Variants in GALNT13 observed in about 807,000 individuals in gnomAD.
GALNT13 encodes the protein polypeptide N-acetylgalactosaminyltransferase 13, also known as UDP-GalNAc:polypeptide N-acetylgalactosaminyltransferase 13.
Under a neutral mutation model 64.2 loss-of-function variants are expected in GALNT13, and 28 were observed. That is an observed-to-expected ratio of 0.44 (90% CI 0.32 to 0.60). GALNT13 has a LOEUF of 0.60. GALNT13 is among the 20% of genes least tolerant of loss of function. The pLI, the probability that GALNT13 is intolerant of heterozygous loss-of-function variation, is 0.05. For missense variants in GALNT13, 577 were observed against 669.8 expected (o/e 0.86, Z 1.53); for synonymous variants, 214 against 224.6 (o/e 0.95, Z 0.42).
the GALNT13 span, among the ~76,000 whole-genome samples, chr2:153,281,604 G>C: frequency 6.6e-6 from 1 of 152,084 alleles, no homozygotes; most frequent in East Asian, 1.9e-4. Context: ...AATTCCCTTA[G>C]TTCTTGCAAA....
At chr2:153,647,176 T>C in the GALNT13 span, among the ~76,000 whole-genome samples, 4 of 152,230 alleles carry the variant, frequency 2.6e-5, no homozygotes, top group Non-Finnish European at 4.4e-5. Flanking sequence ...TGAGATGATA[T>C]CTCATTGTTG....
intron 9 of GALNT13, among the ~76,000 whole-genome samples, chr2:154,335,474 G>A (rs1220496348): frequency 2.0e-5 from 3 of 151,824 alleles, no homozygotes; most frequent in African/African-American, 7.3e-5. Context: ...TCTGCTTTCT[G>A]GACAAATAAA....
chr2:153,950,482 T>C (rs1474950119), intron 3 of GALNT13, among the ~76,000 whole-genome samples: 1 of 152,090 alleles, frequency 6.6e-6, no homozygotes, highest in East Asian at 1.9e-4. Context: ...AAAGGTGATG[T>C]GTCTCTACAT....
chr2:154,055,379 G>C (rs963273471), intron 3 of GALNT13, among the ~76,000 whole-genome samples: 1 of 152,016 alleles, frequency 6.6e-6, no homozygotes, highest in Non-Finnish European at 1.5e-5. Context: ...CTTCTTAGGA[G>C]AGTGTGTCAC....
intron 8 of GALNT13, among the ~76,000 whole-genome samples, chr2:154,285,299 A>C (rs1692199631): frequency 2.0e-5 from 3 of 152,150 alleles, no homozygotes; most frequent in Non-Finnish European, 4.4e-5. Context: ...GCCCAGACTA[A>C]TATCATGGAG....
At chr2:154,411,583 A>T (rs1024917252) in intron 11 of GALNT13, among the ~76,000 whole-genome samples, 1 of 151,852 alleles carries the variant, frequency 6.6e-6, no homozygotes, top group Non-Finnish European at 1.5e-5. Flanking sequence ...AAAATATTTG[A>T]ACAATATATA....
intron 4 of GALNT13, among the ~76,000 whole-genome samples, chr2:154,236,754 A>G (rs1298274754): frequency 6.6e-6 from 1 of 152,040 alleles, no homozygotes; most frequent in African/African-American, 2.4e-5. Flanking sequence ...TCCCATTTAG[A>G]TGTTTACATA....
intron 2 of GALNT13, among the ~76,000 whole-genome samples, chr2:153,916,132 C>G (rs995127685): frequency 2.9e-5 from 4 of 138,034 alleles, no homozygotes; most frequent in East Asian, 4.1e-4. Flanking sequence ...TCCTTCGTTC[C>G]TTCCTTCCTT....
At chr2:153,699,203 C>T in the GALNT13 span, among the ~76,000 whole-genome samples, 1 of 152,056 alleles carries the variant, frequency 6.6e-6, no homozygotes, top group Admixed American at 6.6e-5. Context: ...AAATACACAA[C>T]TACATGGAAA....
At chr2:153,821,186 A>C in the GALNT13 span, among the ~76,000 whole-genome samples, 1 of 152,168 alleles carries the variant, frequency 6.6e-6, no homozygotes, top group African/African-American at 2.4e-5. Context: ...ACAGATCATC[A>C]AGGCAAAAAA....
intron 8 of GALNT13, among the ~76,000 whole-genome samples, chr2:154,284,142 A>G (rs1448374772): frequency 1.3e-5 from 2 of 152,172 alleles, no homozygotes; most frequent in Non-Finnish European, 2.9e-5. Context: ...AAATTATACT[A>G]TTTAAGCAAT....
At chr2:153,765,218 G>T in the GALNT13 span, among the ~76,000 whole-genome samples, 1 of 152,186 alleles carries the variant, frequency 6.6e-6, no homozygotes. Context: ...AGCTTTCACT[G>T]CACCTGGAAA....
At chr2:153,938,512 T>C (rs1224697749) in intron 2 of GALNT13, among the ~76,000 whole-genome samples, 1 of 152,190 alleles carries the variant, frequency 6.6e-6, no homozygotes, top group Non-Finnish European at 1.5e-5. Flanking sequence ...GTTCACCTGT[T>C]TGCATGTAGA....
At chr2:153,494,622 A>C in the GALNT13 span, among the ~76,000 whole-genome samples, 1 of 152,184 alleles carries the variant, frequency 6.6e-6, no homozygotes, top group South Asian at 2.1e-4. Context: ...ATGGATTATT[A>C]ATATAAATGT....
chr2:153,076,701 T>C, the GALNT13 span, among the ~76,000 whole-genome samples: 1 of 152,136 alleles, frequency 6.6e-6, no homozygotes, highest in Non-Finnish European at 1.5e-5. Flanking sequence ...ATTTTCCTCA[T>C]TGATTTTTTT....
intron 4 of GALNT13, among the ~76,000 whole-genome samples, chr2:154,186,272 A>G (rs1023869329): frequency 6.6e-6 from 1 of 152,070 alleles, no homozygotes; most frequent in African/African-American, 2.4e-5. Flanking sequence ...TCTGTCATCC[A>G]TCCTTTCCAG....
At chr2:153,201,710 G>A in the GALNT13 span, 3 of 152,102 alleles carry the variant, frequency 2.0e-5, no homozygotes, top group Non-Finnish European at 4.4e-5. Context: ...GTAAACTGTA[G>A]TATAGTATTT....
At chr2:153,960,228 T>C (rs1211189326) in intron 3 of GALNT13, among the ~76,000 whole-genome samples, 1 of 152,212 alleles carries the variant, frequency 6.6e-6, no homozygotes, top group African/African-American at 2.4e-5. Flanking sequence ...ATCCTGCCAA[T>C]TGCTGCTTCA....
the GALNT13 span, among the ~76,000 whole-genome samples, chr2:153,635,586 T>C: frequency 1.3e-5 from 2 of 151,934 alleles, no homozygotes; most frequent in Non-Finnish European, 2.9e-5. Flanking sequence ...ATGTAGATAT[T>C]TAAAAGTTTA....
Sources: gnomAD v4.1 joint callset for allele counts (sites outside exome capture counted in the v4.1 genomes callset) on GRCh38, gnomAD v4.1.1 for gene constraint, MANE v1.5 for transcripts, NCBI Gene and HGNC (gene_info 2026-07-23, HGNC 2026-07-21) for gene names.